Variants in EPG5 observed in about 807,000 individuals in gnomAD.
The protein encoded by EPG5 is ectopic P-granules 5 autophagy tethering factor.
EPG5 carries 159 observed loss-of-function variants against 302.7 expected under a neutral mutation model. The ratio of observed to expected loss-of-function variants is 0.53; its 90% CI spans 0.46 to 0.60. The LOEUF (loss-of-function observed/expected upper bound fraction) is 0.60, where lower values mean the gene tolerates loss of function less well. Among genes scored for constraint, EPG5 ranks in the 20% least tolerant of loss-of-function variants. The pLI is 0.00. For synonymous variants in EPG5, 1,158 were observed against 1,136.8 expected, an observed-to-expected ratio of 1.02 and a Z score of -0.37; for missense variants, 2,896 against 3,092.4, an observed-to-expected ratio of 0.94 and a Z score of 1.51.
At position 45,954,752 on chromosome 18, in the gene EPG5, G is replaced by A. The variant is rs763275403; in HGVS notation, c.650C>T (p.Pro217Leu). The A allele has an allele frequency of 6.2e-7, 1 of 1,613,882 alleles. No individual in the cohort carries two copies. The highest frequency in any genetic ancestry group is 1.1e-5 in the South Asian group (1 of 91,024). ...TCCAGCAATTTCAGCTGGCAACTGG[G>A]GATACAGTTTCTTCACTCTAGGTGT... is the stretch of plus-strand genomic sequence containing the variant. ...FQTPRVKKLYPQLPAEIAGEA... is the reference protein window; with the variant it reads ...FQTPRVKKLYLQLPAEIAGEA... Residue 217 changes from proline (P) to leucine (L), a missense_variant, in exon 2 of 44, where the codon CCC becomes CTC. Physicochemically the swap from Pro to Leu is moderately conservative, Grantham distance 98. This residue lies in a region of EPG5 where 1,390 missense variants were observed against 1,430.0 expected (regional missense o/e 0.97). Transcript: ENST00000282041.
At chr18:45,837,623 G>A in the EPG5 span, 13 of 1,508,440 alleles carry the variant, frequency 8.6e-6, no homozygotes, top group Admixed American at 4.1e-5. Flanking sequence ...CCACTACGAC[G>A]GGCCGCTGAC....
chr18:45,890,168 ACACATCCCATGTCTTC>A (rs2049310178), intron 27 of EPG5: 2 of 353,498 alleles, frequency 5.7e-6, no homozygotes. Context: ...CTCATCAAAA[ACACATCCCATGTCTTC>A]CACCACTGAG....
rs1252607101 is a variant in EPG5, at chr18:45,943,312, C to T, written c.1793-1G>A. The T allele has an allele frequency of 6.2e-6, 10 of 1,612,990 alleles. No homozygotes were observed. In the Admixed American group the frequency reaches 1.7e-4, roughly 27 times the overall value. ...CTTGTTGTTTCAGGTAAATAATCAC[C>T]TAGAAGTTAATCAGATAAAAGAAAA... is the stretch of plus-strand genomic sequence containing the variant. On this transcript the variant is annotated splice_acceptor_variant, in intron 8 of 43. Transcript: ENST00000282041. LOFTEE classifies it high-confidence loss of function.
intron 4 of EPG5, among the ~76,000 whole-genome samples, chr18:45,950,156 A>G (rs1020519411): frequency 2.0e-5 from 3 of 152,254 alleles, no homozygotes; most frequent in African/African-American, 7.2e-5. Flanking sequence ...AAAATTTTTG[A>G]TCGATACTTT....
chr18:45,941,794 G>A (rs761879787), intron 9 of EPG5, among the ~76,000 whole-genome samples: 12 of 152,172 alleles, frequency 7.9e-5, no homozygotes, highest in Non-Finnish European at 1.2e-4. Context: ...GAAAAAGAAC[G>A]TCTGGATGGA....
At chr18:45,867,417 C>T (rs991259794) in intron 37 of EPG5, 146 bp downstream of exon 37, 5 of 680,966 alleles carry the variant, frequency 7.3e-6, no homozygotes, top group African/African-American at 7.1e-5. Flanking sequence ...GAAAATCAGG[C>T]ATCTGGTTAA....
chr18:45,965,845 GGAGTTT>G (rs1379558842), intron 1 of EPG5, among the ~76,000 whole-genome samples: 7 of 151,446 alleles, frequency 4.6e-5, no homozygotes, highest in Non-Finnish European at 1.0e-4. Context: ...CCTGAGGTCA[GGAGTTT>G]GAGGCCAGCC....
At chr18:45,864,852 CAT>C (rs1229777326) in intron 39 of EPG5, among the ~76,000 whole-genome samples, 1 of 152,224 alleles carries the variant, frequency 6.6e-6, no homozygotes, top group Non-Finnish European at 1.5e-5. Context: ...TCTTTTCCTG[CAT>C]AAACATTTAA....
the EPG5 span, among the ~76,000 whole-genome samples, chr18:45,833,334 T>A: frequency 6.6e-6 from 1 of 152,252 alleles, no homozygotes; most frequent in East Asian, 1.9e-4. Flanking sequence ...TATTATTATT[T>A]GAGGCAGAGT....
At chr18:45,852,761 A>T (rs1265348655) in intron 43 of EPG5, 112 bp from the exon 44 acceptor site, 1 of 973,114 alleles carries the variant, frequency 1.0e-6, no homozygotes, top group Non-Finnish European at 1.5e-6. Context: ...CCTTGTGGGA[A>T]GGAGGCCTAC....
chr18:45,940,766 G>A (rs887208819), intron 9 of EPG5, among the ~76,000 whole-genome samples: 5 of 152,142 alleles, frequency 3.3e-5, no homozygotes, highest in Non-Finnish European at 7.3e-5. Flanking sequence ...TTTGATGGTG[G>A]AGATGATAAA....
chr18:45,909,628 C>T (rs941928974), intron 23 of EPG5, among the ~76,000 whole-genome samples: 5 of 152,156 alleles, frequency 3.3e-5, no homozygotes, highest in Non-Finnish European at 7.4e-5. Context: ...GAATCCAAAC[C>T]TACTTCAGAG....
the EPG5 span, among the ~76,000 whole-genome samples, chr18:45,823,717 C>T: frequency 6.6e-6 from 1 of 152,168 alleles, no homozygotes; most frequent in African/African-American, 2.4e-5. Flanking sequence ...TGGTTCTCTC[C>T]TCCATAATTA....
At chr18:45,918,712 T>G (rs2050085568) in intron 16 of EPG5, among the ~76,000 whole-genome samples, 1 of 152,128 alleles carries the variant, frequency 6.6e-6, no homozygotes, top group African/African-American at 2.4e-5. Flanking sequence ...ATAATACACA[T>G]GATGACCAAA....
chr18:45,837,123 T>A, the EPG5 span: 4 of 1,611,028 alleles, frequency 2.5e-6, no homozygotes, highest in Non-Finnish European at 3.4e-6. Context: ...ATCTCGGGGA[T>A]CTTGGGAGTC....
At chr18:45,865,247 C>T (rs375601626) in intron 39 of EPG5, among the ~76,000 whole-genome samples, 302 of 152,296 alleles carry the variant, frequency 2.0e-3, no homozygotes, top group Middle Eastern at 0.01. Context: ...TCTAGTCCAC[C>T]AAACTGCTGG....
the EPG5 span, among the ~76,000 whole-genome samples, chr18:45,828,695 G>A: frequency 6.6e-6 from 1 of 152,220 alleles, no homozygotes; most frequent in African/African-American, 2.4e-5. Flanking sequence ...TAAATGGGAA[G>A]CAGAGGCTTC....
rs377116657 is a variant in EPG5 at position 45,857,874 on chromosome 18, C to T, written c.7421G>A (p.Arg2474Gln). The change falls in exon 42 of 44, where the codon CGG becomes CAG. Residue 2474 changes from arginine (R) to glutamine (Q), a missense_variant. By Grantham distance (43) the Arg-to-Gln change is conservative. Transcript: ENST00000282041. The stretch of plus-strand genomic sequence containing the variant: ...TTACCTGTTAGACAAAGGCGACTTC[C>T]GGCCAAACCCAATTGCCCCCAGGAT... ...SGILGAIGFG[R>Q]KSPLSNRFRV... is the part of the protein sequence containing the mutation. 1.3e-5 allele frequency: 21 copies of T among 1,612,026 alleles called. No homozygotes were observed. In the African/African-American group the frequency reaches 2.0e-4, roughly 15 times the overall value.
intron 29 of EPG5, among the ~76,000 whole-genome samples, chr18:45,886,359 A>T (rs537839311): frequency 6.2e-4 from 94 of 152,324 alleles, no homozygotes; most frequent in African/African-American, 1.9e-3. Flanking sequence ...CTATACAGAC[A>T]TGCAATGTCA....
Sources: allele counts gnomAD v4.1 joint callset (sites outside exome capture counted in the v4.1 genomes callset), GRCh38; gene constraint gnomAD v4.1.1; regional missense constraint gnomAD v4.1.1; transcripts MANE v1.5; gene names NCBI Gene and HGNC (gene_info 2026-07-23, HGNC 2026-07-21).